AP3B1: variants seen among roughly 807,000 people sequenced by gnomAD.
AP3B1 encodes the protein adaptor related protein complex 3 subunit beta 1.
Under a neutral mutation model 132.5 loss-of-function variants are expected in AP3B1, and 61 were observed. The observed-to-expected ratio is 0.46, with a 90% CI of 0.37 to 0.57. AP3B1 has a LOEUF of 0.57. Ranked by LOEUF, AP3B1 falls within the 20% of genes least tolerant of loss-of-function variation. The probability of loss-of-function intolerance (pLI) is 0.00; values close to 1 mark genes in which losing one functional copy is unlikely to be tolerated. For missense variants in AP3B1, 1,120 were observed against 1,289.4 expected, an observed-to-expected ratio of 0.87 and a Z score of 2.01; for synonymous variants, 388 against 438.3, an observed-to-expected ratio of 0.89 and a Z score of 1.43.
intron 22 of AP3B1, among the ~76,000 whole-genome samples, chr5:78,081,547 T>C (rs1750006543): frequency 6.6e-6 from 1 of 152,084 alleles, no homozygotes; most frequent in Non-Finnish European, 1.5e-5. Flanking sequence ...TCCGCCCGCC[T>C]CGGCCTTCCA....
intron 24 of AP3B1, among the ~76,000 whole-genome samples, chr5:78,025,165 T>G (rs1050905208): frequency 6.6e-6 from 1 of 152,234 alleles, no homozygotes; most frequent in Non-Finnish European, 1.5e-5. Context: ...AGGGAACCAC[T>G]GAGTTACATC....
Position 78,294,653 on chromosome 5 carries a change from G to A in AP3B1, c.-74C>T, listed in dbSNP as rs565007382. ...CAAAAGGTTCCAGTCCAGAGGGCAC[G>A]GAACAAAACTAGTTCTCGTACGGAG... On this transcript the variant is annotated 5_prime_UTR_variant, in exon 1 of 27. Coordinates refer to ENST00000255194, the MANE Select transcript of AP3B1 (RefSeq NM_003664.5). The A allele has an allele frequency of 1.1e-5, 18 of 1,607,090 alleles. No individual in the cohort carries two copies. Among genetic ancestry groups the A allele is most frequent in the East Asian group, 4.5e-5 (2 of 44,828 alleles).
At chr5:78,114,074 A>C in intron 18 of AP3B1, 151 bp from the exon 19 acceptor site, 1 of 861,942 alleles carries the variant, frequency 1.2e-6, no homozygotes, top group Non-Finnish European at 1.8e-6. Context: ...CCCACACCCC[A>C]TTCTTTCAGC....
intron 14 of AP3B1, among the ~76,000 whole-genome samples, chr5:78,148,253 T>C (rs1258403895): frequency 6.6e-6 from 1 of 152,154 alleles, no homozygotes; most frequent in Admixed American, 6.5e-5. Context: ...TCTTCCTTTC[T>C]AAACAGGACC....
chr5:78,051,015 T>C (rs1390253445), intron 22 of AP3B1, among the ~76,000 whole-genome samples: 1 of 152,200 alleles, frequency 6.6e-6, no homozygotes, highest in African/African-American at 2.4e-5. Context: ...TACCTTTAGA[T>C]GGTTTATGAA....
chr5:78,229,236 T>C lies in AP3B1; in HGVS notation c.280-997A>G, dbSNP rs187095766. Among the ~76,000 whole-genome samples, 29 of 152,286 alleles carry C rather than the reference T, an allele frequency of 1.9e-4. 1 individual carries two copies. Among genetic ancestry groups the C allele is most frequent in the Admixed American group, 1.9e-3 (29 of 15,298 alleles). On this transcript the variant is annotated intron_variant, in intron 3 of 26. Coordinates refer to ENST00000255194, the MANE Select transcript of AP3B1 (RefSeq NM_003664.5). Reference sequence around the variant, plus strand: ...CAGGCATGAGCCATTATGCCCAGCCTTGAAAACAAGTTTTAAAGGTAATTT... The same window carrying C: ...CAGGCATGAGCCATTATGCCCAGCCCTGAAAACAAGTTTTAAAGGTAATTT...
intron 7 of AP3B1, among the ~76,000 whole-genome samples, chr5:78,201,468 A>G (rs905695798): frequency 6.6e-6 from 1 of 152,216 alleles, no homozygotes; most frequent in Non-Finnish European, 1.5e-5. Flanking sequence ...GCAAAATAAC[A>G]CTGAAAATAT....
chr5:78,064,361 T>C (rs1749188454), intron 22 of AP3B1, among the ~76,000 whole-genome samples: 1 of 152,214 alleles, frequency 6.6e-6, no homozygotes, highest in South Asian at 2.1e-4. Context: ...TGTAATTGCA[T>C]TGTTCTAATC....
At chr5:78,060,012 G>T (rs952283589) in intron 22 of AP3B1, among the ~76,000 whole-genome samples, 3 of 151,930 alleles carry the variant, frequency 2.0e-5, no homozygotes, top group South Asian at 2.1e-4. Flanking sequence ...AACATGAGGG[G>T]GTCTGGGTGG....
At chr5:78,125,884 T>C (rs1580380935) in intron 17 of AP3B1, among the ~76,000 whole-genome samples, 1 of 152,012 alleles carries the variant, frequency 6.6e-6, no homozygotes, top group Non-Finnish European at 1.5e-5. Context: ...CACATGAAAA[T>C]GGAAGAAGCC....
At chr5:78,115,713 T>C (rs1291077871) in intron 18 of AP3B1, among the ~76,000 whole-genome samples, 2 of 152,092 alleles carry the variant, frequency 1.3e-5, no homozygotes, top group Admixed American at 6.5e-5. Flanking sequence ...CAGAAAGAGA[T>C]AAGTATAAAA....
At chr5:78,094,623 AT>A (rs1727004209) in intron 21 of AP3B1, among the ~76,000 whole-genome samples, 1 of 152,028 alleles carries the variant, frequency 6.6e-6, no homozygotes, top group Non-Finnish European at 1.5e-5. Flanking sequence ...CCATAACTTT[AT>A]TCTGCCTAGT....
At chr5:78,091,553 GAGA>G (rs1026144594) in intron 21 of AP3B1, among the ~76,000 whole-genome samples, 9 of 152,202 alleles carry the variant, frequency 5.9e-5, no homozygotes, top group African/African-American at 2.2e-4. Context: ...AGGATCACTG[GAGA>G]AGGAGTGGAA....
chr5:78,028,668 A>G lies in AP3B1; in HGVS notation c.2894+5693T>C, dbSNP rs1370043404. Reference sequence around the variant, plus strand: ...TACGGGCCAGAAGTCATTTGAATTTATAACTACAACTGATGTCCATCTTCA... The same window carrying G: ...TACGGGCCAGAAGTCATTTGAATTTGTAACTACAACTGATGTCCATCTTCA... On this transcript the variant is annotated intron_variant, in intron 24 of 26. Coordinates refer to ENST00000255194, the MANE Select transcript of AP3B1 (RefSeq NM_003664.5). Among the ~76,000 whole-genome samples, 4 of 152,316 alleles carry G rather than the reference A, an allele frequency of 2.6e-5. No individual in the cohort carries two copies. In the South Asian group the frequency reaches 8.3e-4, roughly 32 times the overall value.
At chr5:78,269,958 G>C (rs1172242500) in intron 1 of AP3B1, among the ~76,000 whole-genome samples, 1 of 151,996 alleles carries the variant, frequency 6.6e-6, no homozygotes, top group Non-Finnish European at 1.5e-5. Flanking sequence ...CTGTCACCCA[G>C]GCTGGAATGC....
chr5:78,171,853 C>T (rs1743931790), intron 11 of AP3B1, among the ~76,000 whole-genome samples: 1 of 152,148 alleles, frequency 6.6e-6, no homozygotes, highest in African/African-American at 2.4e-5. Flanking sequence ...TTTGCCCATT[C>T]AGTATGATAT....
intron 7 of AP3B1, among the ~76,000 whole-genome samples, chr5:78,205,468 T>C (rs1262589138): frequency 1.3e-5 from 2 of 151,766 alleles, no homozygotes; most frequent in Admixed American, 6.6e-5. Context: ...CACAAATATA[T>C]ATTTTTATAT....
chr5:78,132,036 T>G (rs1404420873), intron 15 of AP3B1, among the ~76,000 whole-genome samples: 1 of 152,194 alleles, frequency 6.6e-6, no homozygotes, highest in Non-Finnish European at 1.5e-5. Context: ...GTTGCTAATA[T>G]GCATTAAAGA....
chr5:78,146,961 C>T (rs779348502), intron 14 of AP3B1, among the ~76,000 whole-genome samples: 9 of 151,968 alleles, frequency 5.9e-5, no homozygotes, highest in Non-Finnish European at 8.8e-5. Flanking sequence ...TGAAAATATT[C>T]ACTGGATATA....
Sources: gnomAD v4.1 joint callset for allele counts (sites outside exome capture counted in the v4.1 genomes callset) on GRCh38, gnomAD v4.1.1 for gene constraint, MANE v1.5 for transcripts, NCBI Gene and HGNC (gene_info 2026-07-23, HGNC 2026-07-21) for gene names.